Variants in TMEM182 observed in about 807,000 individuals in gnomAD.
TMEM182 encodes the protein transmembrane protein 182.
A neutral mutation model predicts 26.8 loss-of-function variants in TMEM182; 20 were observed. That is an observed-to-expected ratio of 0.75 (90% confidence interval 0.53 to 1.09). The LOEUF is 1.09. Ranked by LOEUF, TMEM182 falls within the 50% of genes least tolerant of loss-of-function variation. TMEM182 has a pLI of 0.00. For missense variants in TMEM182, 277 were observed against 275.5 expected, an observed-to-expected ratio of 1.01 and a Z score of -0.04; for synonymous variants, 109 against 102.2, an observed-to-expected ratio of 1.07 and a Z score of -0.40.
chr2:102,841,608 C>T (rs1683352505), intron 3 of TMEM182, among the ~76,000 whole-genome samples: 1 of 152,196 alleles, frequency 6.6e-6, no homozygotes, highest in Admixed American at 6.5e-5. Context: ...CATGCGGTGT[C>T]TGTTGTCTTT....
At chr2:102,738,452 G>A (rs899533767) in intron 1 of TMEM182, among the ~76,000 whole-genome samples, 3 of 152,056 alleles carry the variant, frequency 2.0e-5, no homozygotes, top group African/African-American at 7.3e-5. Flanking sequence ...AAATTTAGCT[G>A]GGCGTGGTGG....
At chr2:102,737,506 T>C (rs377230494) in intron 1 of TMEM182, among the ~76,000 whole-genome samples, 29 of 152,308 alleles carry the variant, frequency 1.9e-4, no homozygotes, top group African/African-American at 7.0e-4. Flanking sequence ...AGCACGGTCT[T>C]GATGTGGAAA....
chr2:102,800,964 T>C (rs1200187777), intron 4 of TMEM182, among the ~76,000 whole-genome samples: 2 of 152,206 alleles, frequency 1.3e-5, no homozygotes, highest in East Asian at 3.8e-4. Context: ...TTTAATGTAC[T>C]CATATATCCA....
At chr2:102,791,004 C>T (rs867153425) in intron 3 of TMEM182, among the ~76,000 whole-genome samples, 6 of 152,066 alleles carry the variant, frequency 3.9e-5, no homozygotes, top group Non-Finnish European at 5.9e-5. Flanking sequence ...GGCACCATCT[C>T]GGCTCACTGC....
At chr2:102,794,286 A>G (rs764890423) in intron 3 of TMEM182, among the ~76,000 whole-genome samples, 5 of 152,186 alleles carry the variant, frequency 3.3e-5, no homozygotes, top group Non-Finnish European at 7.4e-5. Flanking sequence ...TCCAACACCT[A>G]TGTTTTTCTA....
At chr2:102,778,449 A>T (rs1177281961) in intron 3 of TMEM182, among the ~76,000 whole-genome samples, 1 of 152,032 alleles carries the variant, frequency 6.6e-6, no homozygotes, top group East Asian at 1.9e-4. Flanking sequence ...TTTTATAAAA[A>T]TCTGGTCTGG....
At chr2:102,801,382 G>T (rs934776507) in intron 4 of TMEM182, among the ~76,000 whole-genome samples, 5 of 152,108 alleles carry the variant, frequency 3.3e-5, no homozygotes, top group African/African-American at 1.2e-4. Flanking sequence ...CTTCAAAAAG[G>T]GGGTGGGCTA....
Position 102,815,984 on chromosome 2 carries a change from C to G in TMEM182, c.*1016C>G. Reference sequence around the variant, plus strand: ...TCCAGTTCTTCTGATCATTTGATTCCTTTAATTACTGTCCCTCAATTTCTT... The same window carrying G: ...TCCAGTTCTTCTGATCATTTGATTCGTTTAATTACTGTCCCTCAATTTCTT... On this transcript the variant is annotated 3_prime_UTR_variant, in exon 5 of 5. Coordinates refer to ENST00000412401, the MANE Select transcript of TMEM182 (RefSeq NM_144632.5). 1.0e-6 allele frequency: 1 copy of G among 984,912 alleles called. No individual in the cohort carries two copies. The allele number at this position is 984,912 out of a possible 1,614,324, so 61.0% of individuals were successfully genotyped here.
At chr2:102,760,188 G>A (rs985123956), upstream of TMEM182, among the ~76,000 whole-genome samples, 1 of 152,128 alleles carries the variant, frequency 6.6e-6, no homozygotes, top group African/African-American at 2.4e-5. Context: ...CCAATCTCAA[G>A]GCGTTTAAAG....
Position 102,816,409 on chromosome 2 carries a change from T to A in TMEM182, c.*1441T>A, listed in dbSNP as rs561797786. The A allele has an allele frequency of 1.1e-5, 11 of 985,234 alleles. No individual in the cohort carries two copies. In the South Asian group the frequency reaches 4.7e-4, roughly 42 times the overall value. 61.0% of individuals were successfully genotyped at this position (985,234 alleles called of 1,614,324 possible). A position where few individuals can be genotyped will look rare whatever the true frequency, so the allele number is the denominator to read the frequency against. ...GGAGAGGTGATCCCAGTCTTCTCTG[T>A]ACATCTTGTGCTTTTCCATTAAGAC... On this transcript the variant is annotated 3_prime_UTR_variant, in exon 5 of 5. Transcript: ENST00000412401.
intron 1 of TMEM182, among the ~76,000 whole-genome samples, chr2:102,753,136 G>A (rs1679923675): frequency 6.6e-6 from 1 of 152,064 alleles, no homozygotes; most frequent in African/African-American, 2.4e-5. Flanking sequence ...CTTATGAAAT[G>A]TTTTACTGTG....
chr2:102,837,521 G>A (rs1683267517), intron 3 of TMEM182, among the ~76,000 whole-genome samples: 1 of 139,368 alleles, frequency 7.2e-6, no homozygotes, highest in Admixed American at 7.6e-5. Flanking sequence ...GGATCTTAGT[G>A]TGTGTCAGTG....
intron 1 of TMEM182, among the ~76,000 whole-genome samples, chr2:102,749,816 T>C (rs1679822377): frequency 6.6e-6 from 1 of 152,122 alleles, no homozygotes; most frequent in African/African-American, 2.4e-5. Flanking sequence ...AATTTCAAAA[T>C]TAATTATAAT....
At chr2:102,783,751 C>G (rs569811452) in intron 3 of TMEM182, among the ~76,000 whole-genome samples, 2 of 152,204 alleles carry the variant, frequency 1.3e-5, no homozygotes, top group Admixed American at 6.5e-5. Flanking sequence ...CTGTGAACAG[C>G]CCTGCACTCT....
At chr2:102,834,881 A>G (rs990766932) in intron 3 of TMEM182, among the ~76,000 whole-genome samples, 2 of 152,150 alleles carry the variant, frequency 1.3e-5, no homozygotes, top group Non-Finnish European at 2.9e-5. Flanking sequence ...CCTGGGGTCT[A>G]TTTCTAATTT....
downstream of TMEM182, among the ~76,000 whole-genome samples, chr2:102,820,604 T>G (rs926572004): frequency 2.0e-5 from 3 of 152,088 alleles, no homozygotes; most frequent in African/African-American, 7.2e-5. Context: ...AGGGGCTAAC[T>G]GGGTAAAAAG....
intron 3 of TMEM182, among the ~76,000 whole-genome samples, chr2:102,797,098 C>T (rs908255812): frequency 1.3e-4 from 19 of 151,952 alleles, no homozygotes; most frequent in Non-Finnish European, 4.4e-5. Flanking sequence ...ATCACCAAAC[C>T]TACTATTTCT....
chr2:102,743,257 C>T (rs1038328395), intron 1 of TMEM182, among the ~76,000 whole-genome samples: 1 of 152,026 alleles, frequency 6.6e-6, no homozygotes, highest in Non-Finnish European at 1.5e-5. Flanking sequence ...AACTCTAGGG[C>T]AACCACAAAA....
chr2:102,799,865 G>A (rs1682041077), intron 4 of TMEM182, among the ~76,000 whole-genome samples: 1 of 152,124 alleles, frequency 6.6e-6, no homozygotes, highest in African/African-American at 2.4e-5. Context: ...TTGTGGAGAG[G>A]GGACCTTTGT....
Sources: gnomAD v4.1 joint callset for allele counts (sites outside exome capture counted in the v4.1 genomes callset) on GRCh38, gnomAD v4.1.1 for gene constraint, MANE v1.5 for transcripts, NCBI Gene and HGNC (gene_info 2026-07-23, HGNC 2026-07-21) for gene names.